The following GPN1 variants were observed in gnomAD, a reference collection of about 807,000 sequenced individuals.
GPN1 encodes GPN-loop GTPase 1.
In GPN1, 44 loss-of-function variants were observed where a neutral mutation model predicts 55.9. That is an observed-to-expected ratio of 0.79 (90% CI 0.62 to 1.01). The LOEUF is 1.01. Among genes scored for constraint, GPN1 ranks in the 50% least tolerant of loss-of-function variants. GPN1 has a pLI of 0.00. For missense variants in GPN1, 466 were observed against 462.8 expected, an observed-to-expected ratio of 1.01 and a Z score of -0.06; for synonymous variants, 179 against 162.5, an observed-to-expected ratio of 1.10 and a Z score of -0.77.
rs61761629 is a variant in GPN1 at position 27,642,475 on chromosome 2, G to A, written c.887G>A (p.Arg296Gln). The A allele has an allele frequency of 2.7e-5, 43 of 1,613,510 alleles. No homozygotes were observed. Among genetic ancestry groups the A allele is most frequent in the Non-Finnish European group, 3.1e-5 (37 of 1,179,574 alleles). ...CAGAGAGAACAACTGGAACGCCTTC[G>A]AAAAGATATGGGTTCTGTAGCCTTG... Reference protein sequence around the residue: ...QQQREQLERLRKDMGSVALDA... With the variant: ...QQQREQLERLQKDMGSVALDA... Residue 296 changes from arginine (R) to glutamine (Q), a missense_variant, in exon 12 of 14, where the codon CGA becomes CAA. Arg to Gln is a conservative substitution (Grantham distance 43). Coordinates refer to ENST00000610189, the MANE Select transcript of GPN1 (RefSeq NM_007266.4).
Position 27,650,131 on chromosome 2 carries a change from T to G in GPN1, c.1056T>G (p.His352Gln). Residue 352 changes from histidine to glutamine, a missense_variant, in exon 14 of 14, where the codon CAT (histidine) becomes CAG (glutamine). Transcript: ENST00000610189. ...DIDHRVTEESHEEPAFQNFMQ... is the reference protein window; with the variant it reads ...DIDHRVTEESQEEPAFQNFMQ... ...TCCTTGCAGTTACAGAGGAAAGCCATGAAGAGCCAGCATTCCAGAATTTTA... is the reference window on the plus strand; with the variant it reads ...TCCTTGCAGTTACAGAGGAAAGCCAGGAAGAGCCAGCATTCCAGAATTTTA... 6.2e-7 allele frequency: 1 copy of G among 1,601,394 alleles called. No homozygotes were observed. The highest frequency in any genetic ancestry group is 8.6e-7 in the Non-Finnish European group (1 of 1,168,476).
At position 27,629,871 on chromosome 2, in the gene GPN1, C is replaced by A; in HGVS notation, c.124C>A (p.His42Asn). The part of the protein sequence containing the change: ...KTTFVQRLTG[H>N]LHAQGTPPYV... The stretch of plus-strand genomic sequence containing the variant: ...CATATCTCTGCAGAGGCTCACAGGA[C>A]ACCTGCATGCCCAAGGCACTCCACC... The change falls in exon 2 of 14, where the codon CAC becomes AAC. Residue 42 changes from histidine to asparagine, a missense_variant. His to Asn is a moderately conservative substitution (Grantham distance 68, BLOSUM62 1). Transcript: ENST00000610189. The A allele has an allele frequency of 1.3e-6, 2 of 1,598,498 alleles. No homozygotes were observed. Among genetic ancestry groups the A allele is most frequent in the Non-Finnish European group, 1.7e-6 (2 of 1,165,780 alleles).
At chr2:27,631,778 G>A in intron 3 of GPN1, 56 bp from the exon 4 acceptor site, 1 of 976,856 alleles carries the variant, frequency 1.0e-6, no homozygotes, top group Non-Finnish European at 1.7e-6. Flanking sequence ...GATAGCCTAG[G>A]TATGAACTTT....
At chr2:27,628,500 G>A (rs1330642765), upstream of GPN1, 1 of 1,551,484 alleles carries the variant, frequency 6.4e-7, no homozygotes, top group Non-Finnish European at 8.7e-7. Context: ...TCTGCAACTC[G>A]CGGGAACAAT....
intron 8 of GPN1, among the ~76,000 whole-genome samples, 181 bp downstream of exon 8, chr2:27,638,436 C>T (rs536471482): frequency 9.8e-5 from 15 of 152,344 alleles, no homozygotes; most frequent in African/African-American, 3.4e-4. Flanking sequence ...TTATTACCAA[C>T]TCTTGTCTAA....
intron 12 of GPN1, among the ~76,000 whole-genome samples, chr2:27,642,904 TGAGA>T (rs1040470495): frequency 6.7e-6 from 1 of 148,872 alleles, no homozygotes; most frequent in Non-Finnish European, 1.5e-5. Flanking sequence ...TGTTTATATA[TGAGA>T]GAGAGAAAGA....
rs1224953767 is a variant in GPN1, at chr2:27,643,143, T to C, written c.931+624T>C. Reference sequence around the variant, plus strand: ...TTGATGTGTGCTGTGGTGGTTTTTTTTGTTTGTTTCTAACACTTTTAACCC... The same window carrying C: ...TTGATGTGTGCTGTGGTGGTTTTTTCTGTTTGTTTCTAACACTTTTAACCC... On this transcript the variant is annotated intron_variant, in intron 12 of 13. Transcript: ENST00000610189. This position sits in a 1 kb window ranked among gnomAD's most constrained non-coding sequence, Gnocchi z 4.0. Among the ~76,000 whole-genome samples the C allele has an allele frequency of 6.6e-6, 1 of 151,446 alleles. No homozygotes were observed. Among genetic ancestry groups the C allele is most frequent in the Non-Finnish European group, 1.5e-5 (1 of 67,852 alleles).
In GPN1 at chr2:27,638,889, A is replaced by C. The variant is rs1396337706; in HGVS notation, c.575A>C (p.Asp192Ala). 4 of 1,611,646 alleles carry C rather than the reference A, an allele frequency of 2.5e-6. No individual in the cohort carries two copies. The highest frequency in any genetic ancestry group is 3.4e-6 in the Non-Finnish European group (4 of 1,179,162). The change falls in exon 9 of 14, where the codon GAC (aspartate) becomes GCC (alanine). Residue 192 changes from aspartate (D) to alanine (A), a missense_variant. Transcript: ENST00000610189. Reference protein sequence around the residue: ...LPFIVVMNKTDIIDHSFAVEW... With the variant: ...LPFIVVMNKTAIIDHSFAVEW... The stretch of plus-strand genomic sequence containing the variant: ...ATTGACTTCTCTCTGGTACAGACTG[A>C]CATCATTGACCACAGCTTTGCAGTG...
At chr2:27,628,927 C>G (rs1293166205), upstream of GPN1, 31 of 1,500,804 alleles carry the variant, frequency 2.1e-5, no homozygotes, top group Non-Finnish European at 2.6e-5. Flanking sequence ...AGAAGATGCC[C>G]TGGCAACCGC....
At chr2:27,640,250 T>A (rs972585745) in intron 10 of GPN1, 125 bp downstream of exon 10, 2 of 741,686 alleles carry the variant, frequency 2.7e-6, no homozygotes, top group African/African-American at 3.5e-5. Flanking sequence ...TTTGCATATG[T>A]GTATTGAATC....
At chr2:27,636,736 A>C (rs933185571) in intron 7 of GPN1, among the ~76,000 whole-genome samples, 2 of 152,162 alleles carry the variant, frequency 1.3e-5, no homozygotes, top group African/African-American at 4.8e-5. Flanking sequence ...TGGCCTCCCA[A>C]AGTGCTGGGA....
At chr2:27,648,962 A>G (rs1454772980) in intron 13 of GPN1, among the ~76,000 whole-genome samples, 3 of 150,276 alleles carry the variant, frequency 2.0e-5, no homozygotes, top group Admixed American at 2.0e-4. Context: ...AAACAACCAT[A>G]GGCCGGGCAC....
chr2:27,641,112 C>T (rs925329991), intron 10 of GPN1, 128 bp from the exon 11 acceptor site: 1 of 668,214 alleles, frequency 1.5e-6, no homozygotes, highest in South Asian at 2.1e-5. Flanking sequence ...AGATTTGTTA[C>T]ATCTGATGTT....
At chr2:27,631,100 T>A in intron 3 of GPN1, 34 bp downstream of exon 3, 1 of 1,110,930 alleles carries the variant, frequency 9.0e-7, no homozygotes, top group Admixed American at 1.7e-5. Context: ...TCTTGACTCA[T>A]TCCTGGCTTC....
intron 9 of GPN1, 23 bp downstream of exon 9, chr2:27,639,054 A>T (rs998243678): frequency 6.4e-7 from 1 of 1,568,666 alleles, no homozygotes; most frequent in African/African-American, 1.4e-5. Context: ...TCCTGCTCAC[A>T]CTGACAGCCT....
intron 13 of GPN1, among the ~76,000 whole-genome samples, chr2:27,648,660 G>A (rs1194842934): frequency 6.6e-6 from 1 of 152,182 alleles, no homozygotes; most frequent in African/African-American, 2.4e-5. Context: ...TTTTGAGACA[G>A]AGTTTTGCTT....
Position 27,643,517 on chromosome 2 carries a change from T to C in GPN1, c.931+998T>C, listed in dbSNP as rs1674068695. ...TTAACATTGACATAATACTATAATATTAGCTAACATATAGATCTTATTCAG... is the reference window on the plus strand; with the variant it reads ...TTAACATTGACATAATACTATAATACTAGCTAACATATAGATCTTATTCAG... On this transcript the variant is annotated intron_variant, in intron 12 of 13. Coordinates refer to ENST00000610189, the MANE Select transcript of GPN1 (RefSeq NM_007266.4). This position sits in a 1 kb window ranked among gnomAD's most constrained non-coding sequence, Gnocchi z 4.0. Among the ~76,000 whole-genome samples, 1 of 152,180 alleles carries C rather than the reference T, an allele frequency of 6.6e-6. No homozygotes were observed. Among genetic ancestry groups the C allele is most frequent in the Admixed American group, 6.5e-5 (1 of 15,272 alleles).
At chr2:27,628,832 T>C, upstream of GPN1, 6 of 1,473,794 alleles carry the variant, frequency 4.1e-6, no homozygotes, top group Non-Finnish European at 5.4e-6. Context: ...TTTTCCTAGC[T>C]CCCTTCAGCC....
At chr2:27,642,596 G>A (rs951642738) in intron 12 of GPN1, 77 bp downstream of exon 12, 3 of 930,770 alleles carry the variant, frequency 3.2e-6, no homozygotes, top group Admixed American at 2.1e-5. Flanking sequence ...TTATTTTTGA[G>A]ACGGAGTTTC....
Sources: gnomAD v4.1 joint callset for allele counts (sites outside exome capture counted in the v4.1 genomes callset) on GRCh38, gnomAD v4.1.1 for gene constraint, Gnocchi (gnomAD v3.1) non-coding constraint, MANE v1.5 for transcripts, NCBI Gene and HGNC (gene_info 2026-07-23, HGNC 2026-07-21) for gene names.